PRKDC: variants seen among roughly 807,000 people sequenced by gnomAD.
The protein encoded by PRKDC is DNA-dependent protein kinase catalytic subunit.
A neutral mutation model predicts 486.9 loss-of-function variants in PRKDC; 82 were observed. The ratio of observed to expected loss-of-function variants is 0.17; its 90% CI spans 0.14 to 0.20. The LOEUF (loss-of-function observed/expected upper bound fraction) is 0.20, where lower values mean the gene tolerates loss of function less well. PRKDC is among the 10% of genes least tolerant of loss of function. The probability of loss-of-function intolerance (pLI) is 1.00; values close to 1 mark genes in which losing one functional copy is unlikely to be tolerated. For missense variants in PRKDC, 4,504 were observed against 5,038.2 expected, an observed-to-expected ratio of 0.89 and a Z score of 3.21; for synonymous variants, 1,895 against 1,837.0, an observed-to-expected ratio of 1.03 and a Z score of -0.81.
intron 5 of PRKDC, 38 bp from the exon 6 acceptor site, chr8:47,953,957 T>G: frequency 1.6e-6 from 2 of 1,233,256 alleles, no homozygotes; most frequent in Non-Finnish European, 2.2e-6. Context: ...GGCCTCAAAC[T>G]ACATTTAAAT....
intron 19 of PRKDC, 51 bp downstream of exon 19, chr8:47,929,041 T>C (rs1487108294): frequency 4.0e-6 from 5 of 1,263,466 alleles, no homozygotes; most frequent in Non-Finnish European, 4.5e-6. Flanking sequence ...CAATAGATAT[T>C]CATTTAAAAA....
At chr8:47,948,018 G>C (rs1282823924) in intron 7 of PRKDC, among the ~76,000 whole-genome samples, 1 of 151,798 alleles carries the variant, frequency 6.6e-6, no homozygotes, top group Non-Finnish European at 1.5e-5. Flanking sequence ...AGGAGGTTGA[G>C]GATGCAGTGA....
intron 63 of PRKDC, 88 bp from the exon 64 acceptor site, chr8:47,824,084 G>A: frequency 8.0e-7 from 1 of 1,244,336 alleles, no homozygotes; most frequent in Non-Finnish European, 1.0e-6. Context: ...AAATCAAGTT[G>A]CCACACATTA....
chr8:47,858,985 T>A lies in PRKDC; in HGVS notation c.6209A>T (p.Glu2070Val). Residue 2070 changes from glutamate to valine, a missense_variant and splice_region_variant, in exon 47 of 86, where the codon GAG becomes GTG. By Grantham distance (121) the Glu-to-Val change is moderately radical. This residue lies in a region of PRKDC where 1,592 missense variants were observed against 1,724.6 expected (regional missense o/e 0.92). Coordinates refer to ENST00000314191, the MANE Select transcript of PRKDC (RefSeq NM_006904.7). ...ATCATGCACCGTGGGGTCCCGCTGC[T>A]CCTGCGAAAGGGAGGGCCCAGGAGA... ...RPATGRFRRR[E>V]QRDPTVHDDV... is the part of the protein sequence containing the mutation. The A allele has an allele frequency of 6.2e-7, 1 of 1,612,532 alleles. No homozygotes were observed. The highest frequency in any genetic ancestry group is 8.5e-7 in the Non-Finnish European group (1 of 1,179,868).
In PRKDC at chr8:47,807,283, G is replaced by A. The variant is rs8178216; in HGVS notation, c.9601C>T (p.Pro3201Ser). 9.6e-3 allele frequency: 15,450 copies of A among 1,605,872 alleles called. 92 individuals carry two copies. Among genetic ancestry groups the A allele is most frequent in the Non-Finnish European group, 0.012 (13,840 of 1,175,504 alleles). Residue 3201 changes from proline (P) to serine (S), a missense_variant, in exon 69 of 86, where the codon CCA becomes TCA. Around this residue, in one of 6 missense-constraint regions of PRKDC, gnomAD observed 1,592 missense variants for 1,724.6 expected, o/e 0.92. Transcript: ENST00000314191. ...TCCACATTCATACTATTATCTTCTG[G>A]AAGAGGGGTAAGCTTCTCCTCTATT... is the stretch of plus-strand genomic sequence containing the variant. Reference protein sequence around the residue: ...SKIEEKLTPLPEDNSMNVDQD... With the variant: ...SKIEEKLTPLSEDNSMNVDQD...
At chr8:47,915,608 C>T (rs1410449447) in intron 22 of PRKDC, among the ~76,000 whole-genome samples, 190 bp from the exon 23 acceptor site, 1 of 152,208 alleles carries the variant, frequency 6.6e-6, no homozygotes, top group African/African-American at 2.4e-5. Flanking sequence ...TTATGTAGGT[C>T]CTGTTTATCA....
At chr8:47,825,239 C>CA (rs989025440) in intron 63 of PRKDC, among the ~76,000 whole-genome samples, 7 of 151,350 alleles carry the variant, frequency 4.6e-5, no homozygotes, top group Admixed American at 6.6e-5. Flanking sequence ...CATGACATAT[C>CA]AAAAAAAAGG....
At position 47,889,019 on chromosome 8, in the gene PRKDC, T is replaced by C. The variant is rs767340074; in HGVS notation, c.4275A>G (p.Ala1425=). 5 of 1,613,238 alleles carry C rather than the reference T, an allele frequency of 3.1e-6. No individual in the cohort carries two copies. Reference sequence around the variant, plus strand: ...ATTGTGACCCAAGTACCCACCTCTGTGCTGTTATTTTCTCTCTCAGATGGG... The same window carrying C: ...ATTGTGACCCAAGTACCCACCTCTGCGCTGTTATTTTCTCTCTCAGATGGG... ...LETHLREKIT[A]QSIEELCAVN... Residue 1425 remains alanine (A), a synonymous_variant, in exon 33 of 86, where the codon GCA becomes GCG. Transcript: ENST00000314191.
intron 31 of PRKDC, among the ~76,000 whole-genome samples, chr8:47,891,311 C>A (rs1389243458): frequency 6.6e-6 from 1 of 152,188 alleles, no homozygotes; most frequent in East Asian, 1.9e-4. Context: ...GTTTCTAATT[C>A]TTTGTTTCCA....
intron 69 of PRKDC, 68 bp downstream of exon 69, chr8:47,807,068 TA>T: frequency 6.8e-7 from 1 of 1,468,756 alleles, no homozygotes; most frequent in Non-Finnish European, 9.2e-7. Flanking sequence ...AAAGAAAAGC[TA>T]AAATTAGAGA....
rs202016860 is a variant in PRKDC at position 47,904,956 on chromosome 8, C to G, written c.2955G>C (p.Glu985Asp). 477 of 1,613,144 alleles carry G rather than the reference C, an allele frequency of 3.0e-4. No individual in the cohort carries two copies. Among genetic ancestry groups the G allele is most frequent in the Non-Finnish European group, 4.0e-4 (469 of 1,179,440 alleles). The change falls in exon 26 of 86, where the codon GAG becomes GAC. Residue 985 changes from glutamate (E) to aspartate (D), a missense_variant. Coordinates refer to ENST00000314191, the MANE Select transcript of PRKDC (RefSeq NM_006904.7). ...DVDQVTRQLY[E>D]PLVMQLIHWF... is the part of the protein sequence containing the mutation. ...AGTGAATCAGCTGCATAACTAGTGG[C>G]TCATACAGTTGCCTTGTCACCTGAA...
chr8:47,823,903 T>C lies in PRKDC; in HGVS notation c.8877A>G (p.Ala2959=). ...CTTCAGAATAATCACTTCTGGCTTC[T>C]GCTAATAATGCACTCTGAGTGATTT... ...TKQITQSALL[A]EARSDYSEAA... is the part of the protein sequence containing the mutation. The change falls in exon 64 of 86, where the codon GCA becomes GCG. Residue 2959 remains alanine, a synonymous_variant. Transcript: ENST00000314191. The C allele has an allele frequency of 4.3e-6, 7 of 1,613,944 alleles. No individual in the cohort carries two copies. Among genetic ancestry groups the C allele is most frequent in the Non-Finnish European group, 5.9e-6 (7 of 1,179,864 alleles).
At chr8:47,855,458 A>G (rs1239142897) in intron 49 of PRKDC, 85 bp from the exon 50 acceptor site, 2 of 1,384,040 alleles carry the variant, frequency 1.4e-6, no homozygotes, top group African/African-American at 2.9e-5. Flanking sequence ...TATAAAAGAA[A>G]TCTGGCATTT....
At chr8:47,814,605 ACTTAG>A (rs2087402970) in intron 68 of PRKDC, among the ~76,000 whole-genome samples, 1 of 152,198 alleles carries the variant, frequency 6.6e-6, no homozygotes, top group African/African-American at 2.4e-5. Context: ...AACATAAAAT[ACTTAG>A]GAATAAATCA....
intron 22 of PRKDC, among the ~76,000 whole-genome samples, chr8:47,917,247 C>T (rs1396225550): frequency 6.6e-6 from 1 of 151,772 alleles, no homozygotes; most frequent in Non-Finnish European, 1.5e-5. Context: ...AACATGAGAT[C>T]CTGCCTCAAA....
chr8:47,863,408 G>A lies in PRKDC; in HGVS notation c.5741C>T (p.Thr1914Ile). 1 of 1,601,204 alleles carries A rather than the reference G, an allele frequency of 6.2e-7. No homozygotes were observed. The highest frequency in any genetic ancestry group is 8.5e-7 in the Non-Finnish European group (1 of 1,174,308). ...CITEGNELTK[T>I]LIKLCYDAFT... is the part of the protein sequence containing the mutation. ...TTAAGTAAAATCTTACTTAATCAAT[G>A]TCTTTGTAAGTTCATTTCCTTCTGT... Residue 1914 changes from threonine (T) to isoleucine (I), a missense_variant, in exon 42 of 86, where the codon ACA becomes ATA. By Grantham distance (89) the Thr-to-Ile change is moderately conservative. Transcript: ENST00000314191.
At position 47,800,997 on chromosome 8, in the gene PRKDC, A is replaced by G. The variant is rs1456470218; in HGVS notation, c.9923-11T>C. ...ACACGTTGTTCTCATCTGTTGGATT[A>G]AAAAAACAAAACAAAACAAAATTTT... is the stretch of plus-strand genomic sequence containing the variant. On this transcript the variant is annotated splice_polypyrimidine_tract_variant and intron_variant, in intron 70 of 85. Transcript: ENST00000314191. 1.9e-6 allele frequency: 3 copies of G among 1,609,594 alleles called. No homozygotes were observed. The highest frequency in any genetic ancestry group is 2.2e-5 in the South Asian group (2 of 90,236).
At chr8:47,920,509 T>C (rs895482043) in intron 21 of PRKDC, among the ~76,000 whole-genome samples, 1 of 152,246 alleles carries the variant, frequency 6.6e-6, no homozygotes, top group African/African-American at 2.4e-5. Context: ...GATATGTAAA[T>C]TGAGTATTCC....
chr8:47,792,811 T>C (rs1317963674), intron 74 of PRKDC, among the ~76,000 whole-genome samples: 2 of 152,214 alleles, frequency 1.3e-5, no homozygotes, highest in Admixed American at 1.3e-4. Flanking sequence ...ATCTTGCAAC[T>C]GATGTTGACG....
Sources: allele counts gnomAD v4.1 joint callset (sites outside exome capture counted in the v4.1 genomes callset), GRCh38; gene constraint gnomAD v4.1.1; regional missense constraint gnomAD v4.1.1; transcripts MANE v1.5; gene names NCBI Gene and HGNC (gene_info 2026-07-23, HGNC 2026-07-21).